AHCYL2: variants seen among roughly 807,000 people sequenced by gnomAD.
AHCYL2 encodes adenosylhomocysteinase like 2.
AHCYL2 carries 28 observed loss-of-function variants against 81.4 expected under a neutral mutation model. The ratio of observed to expected loss-of-function variants is 0.34; its 90% CI spans 0.25 to 0.47. The LOEUF (loss-of-function observed/expected upper bound fraction) is 0.47. Ranked by LOEUF, AHCYL2 falls within the 20% of genes least tolerant of loss-of-function variation. The pLI is 1.00. For missense variants in AHCYL2, 551 were observed against 785.1 expected, an observed-to-expected ratio of 0.70 and a Z score of 3.56; for synonymous variants, 272 against 290.2, an observed-to-expected ratio of 0.94 and a Z score of 0.64.
In AHCYL2 at chr7:129,426,025, T is replaced by C. The variant is rs1797349764; in HGVS notation, c.1709-418T>C. Among the ~76,000 whole-genome samples the C allele has an allele frequency of 6.6e-6, 1 of 152,250 alleles. No individual in the cohort carries two copies. The highest frequency in any genetic ancestry group is 2.4e-5 in the African/African-American group (1 of 41,468). The stretch of plus-strand genomic sequence containing the variant: ...AGTTCATTTATCCCATTTAGTATCC[T>C]TCTTAGTTTTTCCATTCAAGTTTCC... On this transcript the variant is annotated intron_variant, in intron 15 of 16. Transcript: ENST00000325006. The surrounding 1 kb of genome is among the most constrained non-coding windows in gnomAD (Gnocchi z 4.3).
At position 129,231,446 on chromosome 7, in the gene AHCYL2, A is replaced by G. The variant is rs913964270; in HGVS notation, c.363+6007A>G. 5.3e-5 allele frequency among the ~76,000 whole-genome samples: 8 copies of G among 152,290 alleles called. No homozygotes were observed. The South Asian group carries it at 1.4e-3, about 28-fold the overall frequency. On this transcript the variant is annotated intron_variant, in intron 1 of 16. Transcript: ENST00000325006. Reference sequence around the variant, plus strand: ...GAAGTGATTCCCTCCCCCACGAGAGAAAAAAAGTTTGTTGTAATCTTTATT... The same window carrying G: ...GAAGTGATTCCCTCCCCCACGAGAGGAAAAAAGTTTGTTGTAATCTTTATT...
At chr7:129,288,639 C>T (rs1332336993) in intron 1 of AHCYL2, among the ~76,000 whole-genome samples, 2 of 151,846 alleles carry the variant, frequency 1.3e-5, no homozygotes, top group Admixed American at 6.6e-5. Flanking sequence ...GGATTACAGG[C>T]GTGAGCCACT....
chr7:129,389,808 G>A, intron 4 of AHCYL2, 74 bp downstream of exon 4: 1 of 1,234,802 alleles, frequency 8.1e-7, no homozygotes, highest in African/African-American at 1.5e-5. Flanking sequence ...CTTACAACAT[G>A]CCAAGCACCG....
At chr7:129,319,748 G>T (rs190342186) in intron 1 of AHCYL2, among the ~76,000 whole-genome samples, 111 of 152,224 alleles carry the variant, frequency 7.3e-4, no homozygotes, top group African/African-American at 2.5e-3. Flanking sequence ...GTTACAGCAC[G>T]TATCAATAGT....
chr7:129,273,424 G>T (rs766693200), intron 1 of AHCYL2, among the ~76,000 whole-genome samples: 2 of 141,130 alleles, frequency 1.4e-5, no homozygotes, highest in Non-Finnish European at 3.0e-5. Context: ...TGCCTCCCTG[G>T]TTCAAGCAAT....
chr7:129,226,732 G>T (rs1252738345), intron 1 of AHCYL2, among the ~76,000 whole-genome samples: 2 of 152,218 alleles, frequency 1.3e-5, no homozygotes, highest in East Asian at 3.8e-4. Context: ...TTTAGACAAT[G>T]TCTTTGTCGT....
intron 1 of AHCYL2, among the ~76,000 whole-genome samples, chr7:129,239,804 T>TTACACACAGACTCCC (rs1271156401): frequency 4.1e-5 from 5 of 120,784 alleles, no homozygotes; most frequent in Non-Finnish European, 8.7e-5. Context: ...AGAGGGAGAG[T>TTACACACAGACTCCC]TACACACAGA....
intron 1 of AHCYL2, among the ~76,000 whole-genome samples, chr7:129,290,334 C>G (rs1011078083): frequency 6.6e-6 from 1 of 151,494 alleles, no homozygotes; most frequent in African/African-American, 2.4e-5. Context: ...AACCCTGTCT[C>G]TACTAAAAAT....
chr7:129,285,194 G>GTGGATGTA (rs1422176272), intron 1 of AHCYL2, among the ~76,000 whole-genome samples: 21 of 152,308 alleles, frequency 1.4e-4, no homozygotes, highest in African/African-American at 5.1e-4. Flanking sequence ...TCCCTGATGT[G>GTGGATGTA]TGGATGTATG....
chr7:129,315,709 A>G (rs1459420259), intron 1 of AHCYL2, among the ~76,000 whole-genome samples: 2 of 152,220 alleles, frequency 1.3e-5, no homozygotes, highest in Admixed American at 6.5e-5. Context: ...ATTGAACCAA[A>G]GGGACTGTGG....
intron 1 of AHCYL2, among the ~76,000 whole-genome samples, chr7:129,344,348 G>A (rs1386553271): frequency 6.6e-6 from 1 of 152,124 alleles, no homozygotes; most frequent in Non-Finnish European, 1.5e-5. Context: ...AACACCACAT[G>A]TCCATCAATA....
intron 1 of AHCYL2, among the ~76,000 whole-genome samples, chr7:129,331,274 T>C (rs1436846220): frequency 6.6e-6 from 1 of 152,156 alleles, no homozygotes; most frequent in Non-Finnish European, 1.5e-5. Context: ...ATAGAGAACA[T>C]GTTATCTCTT....
At chr7:129,252,564 T>A (rs1795279490) in intron 1 of AHCYL2, among the ~76,000 whole-genome samples, 2 of 152,254 alleles carry the variant, frequency 1.3e-5, no homozygotes, top group Non-Finnish European at 2.9e-5. Context: ...CACAGGAGTT[T>A]GAGACCAGCC....
At chr7:129,352,855 A>G (rs1056791806) in intron 1 of AHCYL2, among the ~76,000 whole-genome samples, 1 of 151,992 alleles carries the variant, frequency 6.6e-6, no homozygotes, top group African/African-American at 2.4e-5. Context: ...AAAATCCTTT[A>G]ATAATGCCCA....
Position 129,426,382 on chromosome 7 carries a change from A to C in AHCYL2, c.1709-61A>C. 6.2e-7 allele frequency: 1 copy of C among 1,613,504 alleles called. No individual in the cohort carries two copies. The highest frequency in any genetic ancestry group is 8.5e-7 in the Non-Finnish European group (1 of 1,179,508). On this transcript the variant is annotated intron_variant, in intron 15 of 16. Coordinates refer to ENST00000325006, the MANE Select transcript of AHCYL2 (RefSeq NM_015328.4). This position sits in a 1 kb window ranked among gnomAD's most constrained non-coding sequence, Gnocchi z 4.3. ...GAACTTTTTAAGGCCTAGCTTGGGG[A>C]CAATAGCCATCAGATAAAAGGCATG...
chr7:129,273,582 C>T lies in AHCYL2; in HGVS notation c.363+48143C>T, dbSNP rs182566220. Among the ~76,000 whole-genome samples the T allele has an allele frequency of 2.8e-3, 430 of 152,088 alleles. 1 individual carries two copies. The highest frequency in any genetic ancestry group is 0.01 in the African/African-American group (420 of 41,482). ...ACCTCAGGTGATCCGCCCACCTCGG[C>T]CTCCCAAAGTGCTGGGATTATAGGC... On this transcript the variant is annotated intron_variant, in intron 1 of 16. Transcript: ENST00000325006.
At position 129,405,824 on chromosome 7, in the gene AHCYL2, T is replaced by C. The variant is rs1027318199; in HGVS notation, c.1143-12T>C. On this transcript the variant is annotated splice_polypyrimidine_tract_variant and intron_variant, in intron 8 of 16. Transcript: ENST00000325006. ...GAAGATTTTTCTGATTTAATGTTTT[T>C]TTTTCCCCTAGACTTAAAAGGACAA... 1 of 1,599,062 alleles carries C rather than the reference T, an allele frequency of 6.3e-7. No individual in the cohort carries two copies. The highest frequency in any genetic ancestry group is 1.7e-5 in the Admixed American group (1 of 58,976).
chr7:129,344,547 G>A (rs993208032), intron 1 of AHCYL2, among the ~76,000 whole-genome samples: 17 of 152,184 alleles, frequency 1.1e-4, no homozygotes, highest in Non-Finnish European at 1.6e-4. Context: ...TCTATCTATA[G>A]TAACAGAACA....
intron 3 of AHCYL2, 123 bp from the exon 4 acceptor site, chr7:129,389,511 G>T (rs1440181055): frequency 3.6e-6 from 3 of 838,168 alleles, no homozygotes; most frequent in Non-Finnish European, 5.4e-6. Flanking sequence ...TTGATCCCTG[G>T]AGAAACCTAA....
Sources: gnomAD v4.1 joint callset for allele counts (sites outside exome capture counted in the v4.1 genomes callset) on GRCh38, gnomAD v4.1.1 for gene constraint, Gnocchi (gnomAD v3.1) non-coding constraint, MANE v1.5 for transcripts, NCBI Gene and HGNC (gene_info 2026-07-23, HGNC 2026-07-21) for gene names.